The following EHBP1 variants were observed in gnomAD, a reference collection of about 807,000 sequenced individuals.
EHBP1 encodes EH domain-binding protein 1.
Under a neutral mutation model 144.0 loss-of-function variants are expected in EHBP1, and 55 were observed. The observed-to-expected ratio is 0.38, with a 90% CI of 0.31 to 0.48. The LOEUF is 0.48. Among genes scored for constraint, EHBP1 ranks in the 20% least tolerant of loss-of-function variants. EHBP1 has a pLI of 0.98. For missense variants in EHBP1, 1,200 were observed against 1,364.2 expected (o/e 0.88, Z 1.90); for synonymous variants, 469 against 472.7 (o/e 0.99, Z 0.10).
At chr2:62,842,944 A>G (rs921746310) in intron 7 of EHBP1, among the ~76,000 whole-genome samples, 1 of 152,220 alleles carries the variant, frequency 6.6e-6, no homozygotes, top group African/African-American at 2.4e-5. Context: ...AGGAAAATAT[A>G]GATGTAATGA....
chr2:62,819,336 G>A (rs554094362), intron 5 of EHBP1, among the ~76,000 whole-genome samples: 1 of 152,284 alleles, frequency 6.6e-6, no homozygotes, highest in Middle Eastern at 3.4e-3. Context: ...GGTATTTTCC[G>A]ATAAAGGTGT....
chr2:62,837,909 C>T (rs1488131429), intron 7 of EHBP1, among the ~76,000 whole-genome samples: 3 of 147,486 alleles, frequency 2.0e-5, no homozygotes, highest in Non-Finnish European at 4.5e-5. Context: ...TAACACCCCA[C>T]TGTCAACATT....
intron 6 of EHBP1, among the ~76,000 whole-genome samples, chr2:62,830,356 G>A (rs902641563): frequency 4.6e-5 from 7 of 151,864 alleles, no homozygotes; most frequent in Admixed American, 6.6e-5. Flanking sequence ...GGCTGGTCTC[G>A]AACTCCTGAC....
At chr2:63,026,263 G>A (rs886850343) in intron 19 of EHBP1, among the ~76,000 whole-genome samples, 1 of 148,078 alleles carries the variant, frequency 6.8e-6, no homozygotes, top group Admixed American at 6.8e-5. Context: ...AGAGGATACC[G>A]AAGTTTGAGT....
chr2:62,745,134 A>T (rs921785470), intron 2 of EHBP1, among the ~76,000 whole-genome samples: 1 of 152,094 alleles, frequency 6.6e-6, no homozygotes, highest in South Asian at 2.1e-4. Flanking sequence ...ACCAATTGGG[A>T]GTTCCTGGAT....
rs375872676 is a variant in EHBP1, at chr2:62,979,204, G to A, written c.2477G>A (p.Arg826Gln). The change falls in exon 15 of 23, where the codon CGA (arginine) becomes CAA (glutamine). Residue 826 changes from arginine (R) to glutamine (Q), a missense_variant. Transcript: ENST00000431489. ...RQLSDQQDEE[R>Q]RRQLRERARQ... is the part of the protein sequence containing the mutation. ...ATATCTTAGCAGCAAGATGAAGAGCGACGTCGGCAGCTGAGAGAGAGAGCT... is the reference window on the plus strand; with the variant it reads ...ATATCTTAGCAGCAAGATGAAGAGCAACGTCGGCAGCTGAGAGAGAGAGCT... The A allele has an allele frequency of 2.3e-5, 37 of 1,612,946 alleles. No individual in the cohort carries two copies. Among genetic ancestry groups the A allele is most frequent in the Non-Finnish European group, 2.6e-5 (31 of 1,179,434 alleles).
At position 63,015,245 on chromosome 2, in the gene EHBP1, T is replaced by A. The variant is rs961664359; in HGVS notation, c.3103+18479T>A. Among the ~76,000 whole-genome samples the A allele has an allele frequency of 1.7e-4, 26 of 152,212 alleles. 1 individual carries two copies. Among genetic ancestry groups the A allele is most frequent in the Non-Finnish European group, 2.8e-4 (19 of 68,040 alleles). On this transcript the variant is annotated intron_variant, in intron 19 of 22. Coordinates refer to ENST00000431489, the MANE Select transcript of EHBP1 (RefSeq NM_001142616.3). ...TATTGCCTCTTAAGATATTATAATT[T>A]ATACACCCTTCTAGCAAAATGGAGG...
At chr2:62,774,560 A>T (rs2041921492) in intron 5 of EHBP1, among the ~76,000 whole-genome samples, 1 of 152,164 alleles carries the variant, frequency 6.6e-6, no homozygotes, top group African/African-American at 2.4e-5. Flanking sequence ...TTCATTCAGC[A>T]CTTAAGTATT....
intron 19 of EHBP1, among the ~76,000 whole-genome samples, chr2:63,013,782 T>G (rs1256019113): frequency 6.6e-6 from 1 of 152,222 alleles, no homozygotes; most frequent in East Asian, 1.9e-4. Context: ...TCGTTGAATA[T>G]TCTCAACTTA....
chr2:62,763,322 A>G (rs538355464), intron 3 of EHBP1, among the ~76,000 whole-genome samples: 47 of 152,094 alleles, frequency 3.1e-4, no homozygotes, highest in African/African-American at 1.1e-3. Flanking sequence ...AACTCCCCCA[A>G]GGCAGATTGT....
rs138897020 is a variant in EHBP1, at chr2:62,942,840, G to T, written c.1308G>T (p.Ser436=). ...TAAAAATCACCAATTTTACTACATC[G>T]TGGAGAAATGGTTTATCTTTTTGTG... is the stretch of plus-strand genomic sequence containing the variant. ...RGVKITNFTT[S]WRNGLSFCAI... is the part of the protein sequence containing the mutation. Residue 436 remains serine (S), a synonymous_variant, in exon 11 of 23, where the codon TCG becomes TCT. Coordinates refer to ENST00000431489, the MANE Select transcript of EHBP1 (RefSeq NM_001142616.3). The T allele has an allele frequency of 1.9e-6, 3 of 1,613,634 alleles. No individual in the cohort carries two copies. The African/African-American group carries it at 4.0e-5, about 22-fold the overall frequency.
intron 1 of EHBP1, among the ~76,000 whole-genome samples, chr2:62,679,527 T>G (rs1271201102): frequency 1.3e-5 from 2 of 152,190 alleles, no homozygotes; most frequent in African/African-American, 2.4e-5. Flanking sequence ...CCTACCCCCA[T>G]AATTGGCTCT....
rs552845290 is a variant in EHBP1, at chr2:62,921,903, G to A, written c.1186-20815G>A. ...AAGATGGTAAGAAAATCTGCCAGGC[G>A]TGGTGGCTCACGCCTGTAATGCCAG... On this transcript the variant is annotated intron_variant, in intron 10 of 22. Transcript: ENST00000431489. 5.3e-5 allele frequency among the ~76,000 whole-genome samples: 8 copies of A among 152,286 alleles called. No homozygotes were observed. In the East Asian group the frequency reaches 5.8e-4, roughly 11 times the overall value.
At chr2:62,765,884 C>T (rs1327709481) in intron 4 of EHBP1, among the ~76,000 whole-genome samples, 2 of 152,114 alleles carry the variant, frequency 1.3e-5, no homozygotes, top group East Asian at 3.8e-4. Context: ...GTCCTAAGTG[C>T]ATCATGGAAA....
chr2:62,764,998 T>A (rs550379811), intron 4 of EHBP1, among the ~76,000 whole-genome samples: 16 of 152,162 alleles, frequency 1.1e-4, no homozygotes, highest in East Asian at 3.9e-4. Context: ...AATTTTTTTT[T>A]AAAAAGACCT....
chr2:63,035,658 A>G (rs192144831), intron 19 of EHBP1, among the ~76,000 whole-genome samples: 2 of 152,194 alleles, frequency 1.3e-5, no homozygotes, highest in East Asian at 3.9e-4. Context: ...TATGAACACA[A>G]GAATTAAGTC....
intron 10 of EHBP1, among the ~76,000 whole-genome samples, chr2:62,934,172 C>T (rs938924728): frequency 1.3e-5 from 2 of 152,048 alleles, no homozygotes; most frequent in Non-Finnish European, 2.9e-5. Flanking sequence ...TTCATCAGCC[C>T]TGTAAGAAAG....
Position 62,996,817 on chromosome 2 carries a change from A to G in EHBP1, c.3103+51A>G, listed in dbSNP as rs1178728473. On this transcript the variant is annotated intron_variant, in intron 19 of 22. Coordinates refer to ENST00000431489, the MANE Select transcript of EHBP1 (RefSeq NM_001142616.3). ...CAGTTTTGGCAAATTGAGCGTTCAC[A>G]AACTCTTATAGAGTTTTGGAAGTGT... 4.4e-6 allele frequency: 7 copies of G among 1,597,626 alleles called. No individual in the cohort carries two copies. In the South Asian group the frequency reaches 6.8e-5, roughly 16 times the overall value.
At chr2:62,988,048 A>T in intron 15 of EHBP1, 1 of 1,505,668 alleles carries the variant, frequency 6.6e-7, no homozygotes, top group Non-Finnish European at 9.2e-7. Context: ...GGTAATTTCA[A>T]ATTATAAATG....
Sources: allele counts gnomAD v4.1 joint callset (sites outside exome capture counted in the v4.1 genomes callset), GRCh38; gene constraint gnomAD v4.1.1; transcripts MANE v1.5; gene names NCBI Gene and HGNC (gene_info 2026-07-23, HGNC 2026-07-21).